Variants in PTPN13 observed in about 807,000 individuals in gnomAD.
PTPN13 encodes the protein protein tyrosine phosphatase non-receptor type 13.
Under a neutral mutation model 284.0 loss-of-function variants are expected in PTPN13, and 191 were observed. The ratio of observed to expected loss-of-function variants is 0.67; its 90% confidence interval spans 0.60 to 0.76. The LOEUF is 0.76. Ranked by LOEUF, PTPN13 falls within the 30% of genes least tolerant of loss-of-function variation. The probability of loss-of-function intolerance (pLI) is 0.00; values close to 1 mark genes in which losing one functional copy is unlikely to be tolerated. For missense variants in PTPN13, 2,797 were observed against 2,939.9 expected (o/e 0.95, Z 1.12); for synonymous variants, 986 against 1,022.3 (o/e 0.96, Z 0.68).
chr4:86,669,901 G>T (rs1421267242), intron 2 of PTPN13, among the ~76,000 whole-genome samples: 3 of 152,112 alleles, frequency 2.0e-5, no homozygotes, highest in Non-Finnish European at 4.4e-5. Context: ...ATGACAGTTA[G>T]AATCCCAGCT....
intron 3 of PTPN13, among the ~76,000 whole-genome samples, chr4:86,681,922 GTC>G (rs778685968): frequency 8.6e-5 from 13 of 150,724 alleles, no homozygotes; most frequent in South Asian, 2.1e-4. Context: ...GAGTGAGTCT[GTC>G]TCAAAAAAAA....
intron 2 of PTPN13, among the ~76,000 whole-genome samples, chr4:86,640,273 CATT>C (rs1417436284): frequency 6.6e-6 from 1 of 152,136 alleles, no homozygotes; most frequent in African/African-American, 2.4e-5. Flanking sequence ...TTTAAATAAA[CATT>C]ATTTCTTTGT....
At chr4:86,752,342 ATATT>A (rs1302214901) in intron 19 of PTPN13, among the ~76,000 whole-genome samples, 2 of 152,168 alleles carry the variant, frequency 1.3e-5, no homozygotes, top group Non-Finnish European at 2.9e-5. Flanking sequence ...TAATACATAA[ATATT>A]TATGGAAGCA....
Position 86,769,831 on chromosome 4 carries a change from G to A in PTPN13, c.4552G>A (p.Glu1518Lys). The change falls in exon 29 of 48, where the codon GAA (glutamate) becomes AAA (lysine). Residue 1518 changes from glutamate (E) to lysine (K), a missense_variant. By Grantham distance (56) the Glu-to-Lys change is moderately conservative. Coordinates refer to ENST00000411767, the MANE Select transcript of PTPN13 (RefSeq NM_080683.3). ...AGGTCTAGGATTCAGTTTTTCTCGA[G>A]AAGATAATCTTATACCGGAGCAAAT... ...SSGLGFSFSR[E>K]DNLIPEQINA... 6.2e-7 allele frequency: 1 copy of A among 1,613,648 alleles called. No homozygotes were observed. Among genetic ancestry groups the A allele is most frequent in the Non-Finnish European group, 8.5e-7 (1 of 1,179,646 alleles).
Position 86,734,785 on chromosome 4 carries a change from T to C in PTPN13, c.2061T>C (p.Ile687=), listed in dbSNP as rs779194739. The part of the protein sequence containing the change: ...HQYYLQLRKD[I]LEERMHCDDE... The stretch of plus-strand genomic sequence containing the variant: ...ATTACCTTCAGCTTCGAAAAGATAT[T>C]TTGGAGGAAAGGATGCACTGTGATG... The change falls in exon 14 of 48, where the codon ATT becomes ATC. Residue 687 remains isoleucine (I), a synonymous_variant. Coordinates refer to ENST00000411767, the MANE Select transcript of PTPN13 (RefSeq NM_080683.3). The C allele has an allele frequency of 6.2e-7, 1 of 1,613,402 alleles. No individual in the cohort carries two copies. Among genetic ancestry groups the C allele is most frequent in the Non-Finnish European group, 8.5e-7 (1 of 1,179,534 alleles).
At chr4:86,661,449 G>A (rs1269967198) in intron 2 of PTPN13, among the ~76,000 whole-genome samples, 2 of 152,062 alleles carry the variant, frequency 1.3e-5, no homozygotes, top group East Asian at 3.8e-4. Flanking sequence ...GTCATAGTTA[G>A]CATTTTTATA....
intron 43 of PTPN13, among the ~76,000 whole-genome samples, chr4:86,804,438 G>T (rs1031924099): frequency 6.6e-6 from 1 of 152,116 alleles, no homozygotes; most frequent in Non-Finnish European, 1.5e-5. Context: ...GTTCTGCTTT[G>T]TGCTTGTTGC....
chr4:86,764,887 TTA>T, intron 25 of PTPN13, 163 bp downstream of exon 25: 2 of 836,874 alleles, frequency 2.4e-6, no homozygotes, highest in Non-Finnish European at 1.7e-6. Context: ...AAAAATTGTG[TTA>T]GTCACTTTTT....
intron 2 of PTPN13, among the ~76,000 whole-genome samples, chr4:86,653,751 A>G (rs940161608): frequency 2.6e-5 from 4 of 152,144 alleles, no homozygotes. Context: ...CTTTATTTGT[A>G]TTATTTTTTA....
At chr4:86,763,338 T>C in intron 24 of PTPN13, 148 bp downstream of exon 24, 1 of 746,970 alleles carries the variant, frequency 1.3e-6, no homozygotes, top group Non-Finnish European at 2.1e-6. Context: ...CTGCATTTGA[T>C]GCTAACTTTC....
rs755767620 is a variant in PTPN13 at position 86,807,599 on chromosome 4, A to G, written c.6785A>G (p.Tyr2262Cys). 5.6e-6 allele frequency: 9 copies of G among 1,613,792 alleles called. No individual in the cohort carries two copies. The highest frequency in any genetic ancestry group is 1.3e-5 in the African/African-American group (1 of 75,050). ...GTGCCTCTTGGAGATGAAGGTGGCT[A>G]TATCAATGCCAGCTTCATTAAGATA... ...TRVPLGDEGG[Y>C]INASFIKIPV... Residue 2262 changes from tyrosine to cysteine, a missense_variant, in exon 45 of 48, where the codon TAT becomes TGT. Coordinates refer to ENST00000411767, the MANE Select transcript of PTPN13 (RefSeq NM_080683.3).
At chr4:86,682,741 T>G (rs1729036686) in intron 3 of PTPN13, among the ~76,000 whole-genome samples, 1 of 152,224 alleles carries the variant, frequency 6.6e-6, no homozygotes, top group African/African-American at 2.4e-5. Context: ...TTTGTATCAG[T>G]GATCTTTATC....
At chr4:86,787,732 T>C (rs1565580301) in intron 40 of PTPN13, among the ~76,000 whole-genome samples, 1 of 152,264 alleles carries the variant, frequency 6.6e-6, no homozygotes, top group Non-Finnish European at 1.5e-5. Context: ...TTTTTTAATA[T>C]ACGTTTTATC....
Position 86,796,946 on chromosome 4 carries a change from C to G in PTPN13, c.6401+17C>G. The G allele has an allele frequency of 2.1e-6, 3 of 1,407,332 alleles. No homozygotes were observed. The highest frequency in any genetic ancestry group is 3.0e-6 in the Non-Finnish European group (3 of 1,014,602). The allele number at this position is 1,407,332 out of a possible 1,614,324, so 87.2% of individuals were successfully genotyped here. ...AAGTGAAAGGTGAGAAAATAATTTT[C>G]AAAGTATCCATAATGCTTCTGTCTA... On this transcript the variant is annotated intron_variant, in intron 41 of 47. Transcript: ENST00000411767.
At chr4:86,793,572 C>T (rs78511979) in intron 40 of PTPN13, among the ~76,000 whole-genome samples, 1 of 152,216 alleles carries the variant, frequency 6.6e-6, no homozygotes, top group African/African-American at 2.4e-5. Flanking sequence ...CACCACATCA[C>T]ACTTATTCTA....
intron 36 of PTPN13, among the ~76,000 whole-genome samples, chr4:86,781,652 C>T (rs1007341439): frequency 6.6e-6 from 1 of 152,212 alleles, no homozygotes; most frequent in Non-Finnish European, 1.5e-5. Context: ...TCAGCCCAAA[C>T]TGAGCTTTGA....
At chr4:86,772,637 C>A in intron 31 of PTPN13, 141 bp from the exon 32 acceptor site, 1 of 635,904 alleles carries the variant, frequency 1.6e-6, no homozygotes, top group Non-Finnish European at 2.6e-6. Context: ...AATTCATAGT[C>A]CAGAGTCATA....
At chr4:86,617,409 T>C (rs1246125024) in intron 1 of PTPN13, among the ~76,000 whole-genome samples, 1 of 152,110 alleles carries the variant, frequency 6.6e-6, no homozygotes, top group Non-Finnish European at 1.5e-5. Flanking sequence ...GAATTTTGAA[T>C]TTTTATTTTT....
chr4:86,717,698 G>A (rs567404792), intron 9 of PTPN13, among the ~76,000 whole-genome samples: 2 of 152,080 alleles, frequency 1.3e-5, no homozygotes, highest in East Asian at 3.9e-4. Context: ...TAACAGGAAG[G>A]TCAAGGCATG....
Sources: allele counts gnomAD v4.1 joint callset (sites outside exome capture counted in the v4.1 genomes callset), GRCh38; gene constraint gnomAD v4.1.1; transcripts MANE v1.5; gene names NCBI Gene and HGNC (gene_info 2026-07-23, HGNC 2026-07-21).